The following MAPK14 variants were observed in gnomAD, a reference collection of about 807,000 sequenced individuals.
MAPK14 encodes CSAID-binding protein.
Under a neutral mutation model 49.6 loss-of-function variants are expected in MAPK14, and 16 were observed. The observed-to-expected ratio is 0.32, with a 90% CI of 0.22 to 0.49. The LOEUF is 0.49. MAPK14 is among the 20% of genes least tolerant of loss of function. The probability of loss-of-function intolerance (pLI) is 0.99; values close to 1 mark genes in which losing one functional copy is unlikely to be tolerated. For missense variants in MAPK14, 200 were observed against 441.2 expected (o/e 0.45, Z 4.90); for synonymous variants, 142 against 158.0 (o/e 0.90, Z 0.76).
intron 9 of MAPK14, 173 bp downstream of exon 9, chr6:36,096,239 G>A (rs1179169182): frequency 7.3e-6 from 4 of 545,070 alleles, no homozygotes; most frequent in Non-Finnish European, 1.3e-5. Flanking sequence ...GCACGCATGT[G>A]TGCCTGCTTG....
At chr6:36,080,125 A>G (rs778302787) in intron 8 of MAPK14, among the ~76,000 whole-genome samples, 2 of 152,014 alleles carry the variant, frequency 1.3e-5, no homozygotes, top group Non-Finnish European at 2.9e-5. Flanking sequence ...TTTAGTAGAG[A>G]CAGGGTTTCA....
intron 8 of MAPK14, among the ~76,000 whole-genome samples, chr6:36,084,863 G>A (rs1355761707): frequency 6.6e-6 from 1 of 151,932 alleles, no homozygotes; most frequent in African/African-American, 2.4e-5. Context: ...TCAACCCCAA[G>A]ATACATAATC....
intron 8 of MAPK14, among the ~76,000 whole-genome samples, chr6:36,089,383 G>A (rs973495481): frequency 6.6e-6 from 1 of 152,164 alleles, no homozygotes; most frequent in Non-Finnish European, 1.5e-5. Flanking sequence ...CCTGTTGGTG[G>A]GGTGGGGGTC....
At chr6:36,037,148 C>T (rs1309934614) in intron 1 of MAPK14, among the ~76,000 whole-genome samples, 1 of 152,096 alleles carries the variant, frequency 6.6e-6, no homozygotes, top group Non-Finnish European at 1.5e-5. Context: ...CTTTTATATG[C>T]ACTGGGAAAC....
At position 36,073,079 on chromosome 6, in the gene MAPK14, G is replaced by A. The variant is rs939443027; in HGVS notation, c.417+95G>A. The A allele has an allele frequency of 3.5e-5, 28 of 791,598 alleles. 1 individual carries two copies. The highest frequency in any genetic ancestry group is 2.7e-5 in the East Asian group (1 of 37,546). 49.0% of individuals were successfully genotyped at this position (791,598 alleles called of 1,614,324 possible). A position where few individuals can be genotyped will look rare whatever the true frequency, so the allele number is the denominator to read the frequency against. On this transcript the variant is annotated intron_variant, in intron 4 of 11. Coordinates refer to ENST00000229794, the MANE Select transcript of MAPK14 (RefSeq NM_139012.3). ...CAAACAAGTAAACAACTTTTCTAAT[G>A]GAAAATTCAAACACATAAAATCACA...
Position 36,028,320 on chromosome 6 carries a change from G to A in MAPK14, c.116+47G>A. ...GCCGCTGTGGGCAGGGTGGCCCCTC[G>A]CGCCCGAGGGCCAGGCCTGCTCCAC... is the stretch of plus-strand genomic sequence containing the variant. On this transcript the variant is annotated intron_variant, in intron 1 of 11. Transcript: ENST00000229794. The surrounding 1 kb of genome is among the most constrained non-coding windows in gnomAD (Gnocchi z 5.1). The A allele has an allele frequency of 1.5e-6, 2 of 1,359,804 alleles. No homozygotes were observed. The highest frequency in any genetic ancestry group is 2.1e-6 in the Non-Finnish European group (2 of 951,294). The allele number at this position is 1,359,804 out of a possible 1,614,324, so 84.2% of individuals were successfully genotyped here.
chr6:36,077,122 G>A (rs1340215485), intron 8 of MAPK14, among the ~76,000 whole-genome samples: 1 of 152,192 alleles, frequency 6.6e-6, no homozygotes, highest in Non-Finnish European at 1.5e-5. Flanking sequence ...ACCATGTAAT[G>A]TACTTTTGTT....
chr6:36,032,021 G>T (rs1475482513), intron 1 of MAPK14, among the ~76,000 whole-genome samples: 1 of 151,616 alleles, frequency 6.6e-6, no homozygotes, highest in African/African-American at 2.4e-5. Flanking sequence ...GCCTCAAGCA[G>T]TTCCCCCACC....
downstream of MAPK14, among the ~76,000 whole-genome samples, chr6:36,113,238 A>T (rs1384071057): frequency 6.9e-6 from 1 of 145,264 alleles, no homozygotes; most frequent in Non-Finnish European, 1.5e-5. Context: ...GCTGCTTGGG[A>T]GGCTGAGGTG....
intron 1 of MAPK14, among the ~76,000 whole-genome samples, chr6:36,044,388 G>A (rs1010625993): frequency 5.3e-5 from 8 of 152,152 alleles, no homozygotes; most frequent in Non-Finnish European, 7.3e-5. Context: ...TGGTGCAGTC[G>A]TTTGTACTTT....
Position 36,107,481 on chromosome 6 carries a change from G to A in MAPK14, c.868G>A (p.Val290Ile). ...LAVDLLEKML[V>I]LDSDKRITAA... ...TGTCGACTTGCTGGAGAAGATGCTT[G>A]TATTGGACTCAGATAAGAGAATTAC... The change falls in exon 11 of 12, where the codon GTA becomes ATA. Residue 290 changes from valine (V) to isoleucine (I), a missense_variant. Val to Ile is a conservative substitution (Grantham distance 29). Transcript: ENST00000229794. This position sits in a 1 kb window ranked among gnomAD's most constrained non-coding sequence, Gnocchi z 4.3. 6.4e-7 allele frequency: 1 copy of A among 1,569,776 alleles called. No homozygotes were observed. The highest frequency in any genetic ancestry group is 1.4e-5 in the African/African-American group (1 of 73,586).
chr6:36,067,674 A>T (rs1308526317), intron 3 of MAPK14, among the ~76,000 whole-genome samples: 2 of 152,160 alleles, frequency 1.3e-5, no homozygotes, highest in Admixed American at 6.5e-5. Flanking sequence ...TTTGTTGTGA[A>T]ATAAGCCTAC....
At chr6:36,064,049 A>G (rs1763936776) in intron 3 of MAPK14, among the ~76,000 whole-genome samples, 1 of 146,340 alleles carries the variant, frequency 6.8e-6, no homozygotes. Flanking sequence ...GTATTACTAT[A>G]ATATTGCCTT....
At chr6:36,056,114 T>A (rs1472956844) in intron 2 of MAPK14, among the ~76,000 whole-genome samples, 2 of 152,204 alleles carry the variant, frequency 1.3e-5, no homozygotes. Context: ...ATTTTTCTTC[T>A]TGCAGTCATG....
At chr6:36,104,230 C>T (rs902198325) in intron 10 of MAPK14, among the ~76,000 whole-genome samples, 7 of 152,220 alleles carry the variant, frequency 4.6e-5, no homozygotes, top group South Asian at 4.1e-4. Context: ...GGGGTGGGTA[C>T]GATTCTACTG....
In MAPK14 at chr6:36,041,541, A is replaced by G. The variant is rs73407857; in HGVS notation, c.117-11158A>G. Reference sequence around the variant, plus strand: ...CATGCTTTTCCTTGATTACTTTCCTACACACTTCTTGAAGATACCAGAGAT... The same window carrying G: ...CATGCTTTTCCTTGATTACTTTCCTGCACACTTCTTGAAGATACCAGAGAT... On this transcript the variant is annotated intron_variant, in intron 1 of 11. Transcript: ENST00000229794. Among the ~76,000 whole-genome samples, 599 of 152,248 alleles carry G rather than the reference A, an allele frequency of 3.9e-3. 4 individuals carry two copies. Among genetic ancestry groups the G allele is most frequent in the African/African-American group, 0.014 (564 of 41,540 alleles).
intron 10 of MAPK14, among the ~76,000 whole-genome samples, chr6:36,103,521 CT>C (rs938103218): frequency 2.0e-5 from 3 of 151,960 alleles, no homozygotes; most frequent in African/African-American, 7.3e-5. Flanking sequence ...TTAAAGAATT[CT>C]TTGTAGAGAC....
At chr6:36,095,421 A>G (rs1012018860) in intron 8 of MAPK14, among the ~76,000 whole-genome samples, 10 of 152,182 alleles carry the variant, frequency 6.6e-5, no homozygotes, top group Non-Finnish European at 7.4e-5. Context: ...TTCCCTTTCC[A>G]GAGGGTGTGC....
rs201433732 is a variant in MAPK14 at position 36,109,785 on chromosome 6, A to G, written c.*1338A>G. 2 of 152,648 alleles carry G rather than the reference A, an allele frequency of 1.3e-5. No individual in the cohort carries two copies. The highest frequency in any genetic ancestry group is 4.8e-5 in the African/African-American group (2 of 41,462). The allele number at this position is 152,648 out of a possible 1,614,324, so 9.5% of individuals were successfully genotyped here. ...GAAATGCTGAAAATCAAAGTAAAAA[A>G]TTAAAGCCCATAAGGCCAGAAACTC... is the stretch of plus-strand genomic sequence containing the variant. On this transcript the variant is annotated 3_prime_UTR_variant, in exon 12 of 12. Transcript: ENST00000229794.
Sources: gnomAD v4.1 joint callset for allele counts (sites outside exome capture counted in the v4.1 genomes callset) on GRCh38, gnomAD v4.1.1 for gene constraint, Gnocchi (gnomAD v3.1) non-coding constraint, MANE v1.5 for transcripts, NCBI Gene and HGNC (gene_info 2026-07-23, HGNC 2026-07-21) for gene names.